LHPP: variants seen among roughly 807,000 people sequenced by gnomAD.
LHPP encodes hLHPP.
LHPP carries 24 observed loss-of-function variants against 30.3 expected under a neutral mutation model. That is an observed-to-expected ratio of 0.79 (90% CI 0.57 to 1.11). The LOEUF (loss-of-function observed/expected upper bound fraction) is 1.11, where lower values mean the gene tolerates loss of function less well. Ranked by LOEUF, LHPP falls within the 50% of genes most tolerant of loss-of-function variation. LHPP has a pLI of 0.00. For missense variants in LHPP, 356 were observed against 367.2 expected (o/e 0.97, Z 0.25); for synonymous variants, 150 against 157.1 (o/e 0.95, Z 0.34).
At chr10:124,477,158 G>A (rs1429685659) in intron 1 of LHPP, among the ~76,000 whole-genome samples, 1 of 152,194 alleles carries the variant, frequency 6.6e-6, no homozygotes, top group Non-Finnish European at 1.5e-5. Context: ...AGTTGAGATT[G>A]TGCCACTGCA....
chr10:124,502,667 C>CTTTTT lies in LHPP; in HGVS notation c.624+4559_624+4563dup, dbSNP rs1190430106. Among the ~76,000 whole-genome samples the CTTTTT allele has an allele frequency of 1.4e-3, 97 of 71,330 alleles. 2 individuals are homozygous for CTTTTT. The highest frequency in any genetic ancestry group is 1.7e-3 in the Non-Finnish European group (69 of 39,856). The allele number at this position is 71,330 out of a possible 152,430, so 46.8% of individuals were successfully genotyped here. The stretch of plus-strand genomic sequence containing the variant: ...ACAGACGTGAGCCACCACGCCCAGC[C>CTTTTT]TTTTTTTTTTTTTTTTTTTTTTTTG... On this transcript the variant is annotated intron_variant, in intron 5 of 6. Coordinates refer to ENST00000368842, the MANE Select transcript of LHPP (RefSeq NM_022126.4).
At position 124,613,388 on chromosome 10, in the gene LHPP, C is replaced by T; in HGVS notation, c.*28C>T. ...GCCTCCTGGGAGAGCCCCGCCTCCT[C>T]CACCCCTGCCTCTCCTCCACCCCTG... On this transcript the variant is annotated 3_prime_UTR_variant, in exon 7 of 7. Coordinates refer to ENST00000368842, the MANE Select transcript of LHPP (RefSeq NM_022126.4). 7.8e-7 allele frequency: 1 copy of T among 1,278,596 alleles called. No homozygotes were observed. The highest frequency in any genetic ancestry group is 1.1e-6 in the Non-Finnish European group (1 of 890,464). 79.2% of individuals were successfully genotyped at this position (1,278,596 alleles called of 1,614,324 possible).
At chr10:124,498,324 G>A in intron 5 of LHPP, 196 bp downstream of exon 5, 1 of 1,576,824 alleles carries the variant, frequency 6.3e-7, no homozygotes, top group Non-Finnish European at 8.6e-7. Context: ...TTTCAACCGT[G>A]AAGTTACTTT....
chr10:124,497,260 CCCCA>C (rs1953747995), intron 4 of LHPP, among the ~76,000 whole-genome samples: 2 of 78,986 alleles, frequency 2.5e-5, no homozygotes, highest in African/African-American at 8.3e-5. Context: ...TCCCCATCCT[CCCCA>C]TCCTCCCCAT....
chr10:124,473,011 G>A (rs909921058), intron 1 of LHPP, among the ~76,000 whole-genome samples: 3 of 151,966 alleles, frequency 2.0e-5, no homozygotes, highest in African/African-American at 7.3e-5. Flanking sequence ...GGCTCTGCTG[G>A]CAGGAGTAAG....
chr10:124,483,717 A>G (rs1476535257), intron 1 of LHPP, among the ~76,000 whole-genome samples: 1 of 152,132 alleles, frequency 6.6e-6, no homozygotes, highest in Non-Finnish European at 1.5e-5. Context: ...AGATCATGCC[A>G]CTGCACTCCA....
chr10:124,517,175 G>A lies in LHPP; in HGVS notation c.625-5G>A. On this transcript the variant is annotated splice_region_variant and splice_polypyrimidine_tract_variant and intron_variant, in intron 5 of 6. Coordinates refer to ENST00000368842, the MANE Select transcript of LHPP (RefSeq NM_022126.4). The surrounding 1 kb of genome is among the most constrained non-coding windows in gnomAD (Gnocchi z 4.1). ...ACTTCTGAGCGTATTTCACTGCCGT[G>A]ACAGGCCGTCATGATTGGGGACGAT... The A allele has an allele frequency of 6.3e-7, 1 of 1,597,642 alleles. No individual in the cohort carries two copies. The highest frequency in any genetic ancestry group is 8.5e-7 in the Non-Finnish European group (1 of 1,172,204).
chr10:124,587,124 C>T (rs972075942), intron 6 of LHPP, among the ~76,000 whole-genome samples: 1 of 151,216 alleles, frequency 6.6e-6, no homozygotes, highest in African/African-American at 2.4e-5. Flanking sequence ...CTCCGTCTCC[C>T]GGGTTCCAGC....
chr10:124,464,871 G>A (rs533112165), intron 1 of LHPP, among the ~76,000 whole-genome samples: 2 of 152,322 alleles, frequency 1.3e-5, no homozygotes, highest in East Asian at 3.9e-4. Flanking sequence ...GAAATGACAT[G>A]AGTACAAGGT....
intron 1 of LHPP, among the ~76,000 whole-genome samples, chr10:124,467,391 G>C (rs1274367349): frequency 6.6e-6 from 1 of 151,476 alleles, no homozygotes; most frequent in Non-Finnish European, 1.5e-5. Context: ...GGGTGGAGAG[G>C]GGGCAGGGAG....
intron 5 of LHPP, among the ~76,000 whole-genome samples, chr10:124,501,094 A>ATG (rs1953884329): frequency 6.6e-6 from 1 of 152,044 alleles, no homozygotes; most frequent in African/African-American, 2.4e-5. Context: ...GTTCTGACAC[A>ATG]TGCTACAGTG....
At chr10:124,606,198 C>T (rs1000844561) in intron 6 of LHPP, among the ~76,000 whole-genome samples, 3 of 152,124 alleles carry the variant, frequency 2.0e-5, no homozygotes, top group Admixed American at 6.5e-5. Context: ...TCCCACCTCC[C>T]AGCCAGGCCC....
At chr10:124,600,948 A>G (rs1400939365) in intron 6 of LHPP, among the ~76,000 whole-genome samples, 1 of 152,158 alleles carries the variant, frequency 6.6e-6, no homozygotes, top group African/African-American at 2.4e-5. Context: ...TAACCAAACA[A>G]TTGTGGCAGA....
chr10:124,564,397 G>T (rs1948455955), intron 6 of LHPP, among the ~76,000 whole-genome samples: 1 of 151,816 alleles, frequency 6.6e-6, no homozygotes, highest in Non-Finnish European at 1.5e-5. Context: ...TGCTGGGATT[G>T]CAGGCGTGAG....
Position 124,482,925 on chromosome 10 carries a change from G to A in LHPP, c.126-1214G>A, listed in dbSNP as rs1198996658. On this transcript the variant is annotated intron_variant, in intron 1 of 6. Transcript: ENST00000368842. ...CCTATTCCAACCTGGATGGTGGCCT[G>A]GAGATCAGGGAACTTTTCCATGCTC... Among the ~76,000 whole-genome samples, 3 of 152,198 alleles carry A rather than the reference G, an allele frequency of 2.0e-5. No individual in the cohort carries two copies. The East Asian group carries it at 5.8e-4, about 29-fold the overall frequency.
chr10:124,551,480 G>T (rs553990765), intron 6 of LHPP, among the ~76,000 whole-genome samples: 1 of 152,170 alleles, frequency 6.6e-6, no homozygotes. Context: ...GGCAGAGCCT[G>T]CCAGCCCCTC....
At chr10:124,611,642 T>G (rs1949200685) in intron 6 of LHPP, among the ~76,000 whole-genome samples, 1 of 151,706 alleles carries the variant, frequency 6.6e-6, no homozygotes, top group Admixed American at 6.6e-5. Context: ...CCCGTCCAGG[T>G]CCACAGCCTC....
At chr10:124,533,975 A>G (rs1015912667) in intron 6 of LHPP, among the ~76,000 whole-genome samples, 10 of 151,290 alleles carry the variant, frequency 6.6e-5, no homozygotes, top group African/African-American at 2.2e-4. Flanking sequence ...GGCAGGGACC[A>G]CATCTGCCCT....
chr10:124,524,887 A>T (rs1954695122), intron 6 of LHPP, among the ~76,000 whole-genome samples: 1 of 152,250 alleles, frequency 6.6e-6, no homozygotes, highest in African/African-American at 2.4e-5. Flanking sequence ...AAAATATGCC[A>T]TTAAACAATT....
Sources: allele counts gnomAD v4.1 joint callset (sites outside exome capture counted in the v4.1 genomes callset), GRCh38; gene constraint gnomAD v4.1.1; non-coding constraint Gnocchi (gnomAD v3.1); transcripts MANE v1.5; gene names NCBI Gene and HGNC (gene_info 2026-07-23, HGNC 2026-07-21).